Variants in CSMD1 observed in about 807,000 individuals in gnomAD.
CSMD1 encodes CUB and Sushi multiple domains 1.
Under a neutral mutation model 417.5 loss-of-function variants are expected in CSMD1, and 213 were observed. The observed-to-expected ratio is 0.51, with a 90% CI of 0.46 to 0.57. CSMD1 has a LOEUF of 0.57. CSMD1 is among the 20% of genes least tolerant of loss of function. The probability of loss-of-function intolerance (pLI) is 0.00; values close to 1 mark genes in which losing one functional copy is unlikely to be tolerated. For missense variants in CSMD1, 6,923 were observed against 4,529.7 expected (o/e 1.53, Z -15.17); for synonymous variants, 2,862 against 1,736.8 (o/e 1.65, Z -16.11).
intron 12 of CSMD1, among the ~76,000 whole-genome samples, chr8:3,444,539 T>A (rs968644276): frequency 2.0e-5 from 3 of 152,110 alleles, no homozygotes; most frequent in African/African-American, 4.8e-5. Context: ...TCTGGAGGCA[T>A]TGGTATTTGC....
At chr8:4,959,746 A>G (rs1809355375) in intron 1 of CSMD1, among the ~76,000 whole-genome samples, 2 of 152,202 alleles carry the variant, frequency 1.3e-5, no homozygotes, top group African/African-American at 4.8e-5. Context: ...AACTTACACC[A>G]GAAGTCTTCC....
At chr8:3,203,348 T>C (rs1460619086) in intron 31 of CSMD1, among the ~76,000 whole-genome samples, 4 of 151,974 alleles carry the variant, frequency 2.6e-5, no homozygotes, top group African/African-American at 9.7e-5. Context: ...GTGAGCAAAC[T>C]CAATTGCCAA....
chr8:3,032,676 T>A (rs1810420712), intron 50 of CSMD1, among the ~76,000 whole-genome samples: 1 of 152,128 alleles, frequency 6.6e-6, no homozygotes, highest in Admixed American at 6.6e-5. Context: ...GAAAACAGTG[T>A]CTTCCTGCAG....
At chr8:4,020,690 C>A (rs1247414864) in intron 4 of CSMD1, among the ~76,000 whole-genome samples, 1 of 152,244 alleles carries the variant, frequency 6.6e-6, no homozygotes, top group Non-Finnish European at 1.5e-5. Context: ...TTTCATTTTA[C>A]TCCCTCAGCG....
intron 21 of CSMD1, among the ~76,000 whole-genome samples, chr8:3,354,937 A>ATC (rs1339389939): frequency 5.8e-4 from 87 of 150,486 alleles, no homozygotes; most frequent in South Asian, 8.3e-4. Context: ...AGATATAGAT[A>ATC]TATATAGAGA....
chr8:4,900,927 C>G (rs758920576), intron 1 of CSMD1, among the ~76,000 whole-genome samples: 3 of 152,206 alleles, frequency 2.0e-5, no homozygotes, highest in Non-Finnish European at 4.4e-5. Context: ...CCCTTGCATC[C>G]TAAGTGCCCA....
chr8:4,555,957 T>C (rs190239307), intron 2 of CSMD1, among the ~76,000 whole-genome samples: 5 of 152,254 alleles, frequency 3.3e-5, no homozygotes, highest in African/African-American at 9.6e-5. Flanking sequence ...AGGAAGTGAA[T>C]TTCTTTTTCT....
chr8:3,917,613 T>TC (rs33914428), intron 5 of CSMD1, among the ~76,000 whole-genome samples: 232 of 2,720 alleles, frequency 0.085, no homozygotes, highest in African/African-American at 0.16. Context: ...TTCATATTTA[T>TC]ATTTTACCTT....
chr8:3,153,914 A>T (rs1372325253), intron 39 of CSMD1, among the ~76,000 whole-genome samples: 2 of 152,220 alleles, frequency 1.3e-5, no homozygotes, highest in Non-Finnish European at 1.5e-5. Context: ...ACTACAAGTC[A>T]ATAGATAAGC....
chr8:4,154,841 G>A (rs992457523), intron 3 of CSMD1, among the ~76,000 whole-genome samples: 2 of 152,178 alleles, frequency 1.3e-5, no homozygotes, highest in South Asian at 2.1e-4. Context: ...ATTAGTGAAA[G>A]CTTTCTGATT....
chr8:3,519,656 T>C lies in CSMD1; in HGVS notation c.1345-25930A>G, dbSNP rs1039818636. Among the ~76,000 whole-genome samples the C allele has an allele frequency of 1.6e-4, 24 of 152,296 alleles. No individual in the cohort carries two copies. The Middle Eastern group carries it at 0.01, about 65-fold the overall frequency. ...TGTAGCACATGCATACGAAAGCTTATCAAGCAGCATGCAGGCCATGGCTGC... is the reference window on the plus strand; with the variant it reads ...TGTAGCACATGCATACGAAAGCTTACCAAGCAGCATGCAGGCCATGGCTGC... On this transcript the variant is annotated intron_variant, in intron 10 of 69. Transcript: ENST00000635120.
intron 6 of CSMD1, among the ~76,000 whole-genome samples, chr8:3,739,754 A>G (rs987226724): frequency 4.6e-5 from 7 of 151,752 alleles, no homozygotes; most frequent in African/African-American, 1.7e-4. Context: ...CAAAAATAGC[A>G]ACAGATGCTA....
At chr8:3,971,914 G>C (rs945857305) in intron 5 of CSMD1, among the ~76,000 whole-genome samples, 6 of 152,142 alleles carry the variant, frequency 3.9e-5, no homozygotes, top group South Asian at 2.1e-4. Flanking sequence ...GTTCTTGTTT[G>C]TCTATTTTTT....
At chr8:4,176,067 G>T (rs73510854) in intron 3 of CSMD1, among the ~76,000 whole-genome samples, 1 of 152,036 alleles carries the variant, frequency 6.6e-6, no homozygotes, top group African/African-American at 2.4e-5. Context: ...GTGTGACTTA[G>T]ATGTGGAACC....
intron 5 of CSMD1, among the ~76,000 whole-genome samples, chr8:3,879,365 C>A (rs1053310750): frequency 6.6e-6 from 1 of 152,100 alleles, no homozygotes; most frequent in African/African-American, 2.4e-5. Context: ...TCTAAGGAAT[C>A]TCTATAGACA....
chr8:4,908,920 G>C (rs1805482506), intron 1 of CSMD1, among the ~76,000 whole-genome samples: 2 of 152,094 alleles, frequency 1.3e-5, no homozygotes, highest in South Asian at 2.1e-4. Context: ...TCAAATCTCA[G>C]TCATTCCACT....
chr8:3,695,875 G>A (rs1019177984), intron 7 of CSMD1, among the ~76,000 whole-genome samples: 4 of 152,014 alleles, frequency 2.6e-5, no homozygotes, highest in South Asian at 4.1e-4. Context: ...TTTTTTACAA[G>A]GTATATTCAT....
At chr8:3,821,450 T>C (rs1801730481) in intron 5 of CSMD1, among the ~76,000 whole-genome samples, 1 of 152,184 alleles carries the variant, frequency 6.6e-6, no homozygotes, top group African/African-American at 2.4e-5. Context: ...ATTATATGGC[T>C]ACAATGCCAC....
At chr8:4,240,489 G>A (rs1441922908) in intron 3 of CSMD1, among the ~76,000 whole-genome samples, 2 of 152,168 alleles carry the variant, frequency 1.3e-5, no homozygotes, top group African/African-American at 4.8e-5. Context: ...AAGATGAAAT[G>A]ACACAAAGCC....
Sources: allele counts gnomAD v4.1 joint callset (sites outside exome capture counted in the v4.1 genomes callset), GRCh38; gene constraint gnomAD v4.1.1; transcripts MANE v1.5; gene names NCBI Gene and HGNC (gene_info 2026-07-23, HGNC 2026-07-21).